AKR1C8: variants seen among roughly 807,000 people sequenced by gnomAD.
The protein encoded by AKR1C8 is aldo-keto reductase family 1 member C-like protein 1.
the AKR1C8 span, chr10:5,123,475 C>G: frequency 4.2e-6 from 2 of 471,368 alleles, no homozygotes; most frequent in African/African-American, 3.9e-5. Context: ...AGCCCTGAGG[C>G]TGGATTCAGT....
At chr10:5,148,097 C>T in the AKR1C8 span, among the ~76,000 whole-genome samples, 102 of 152,188 alleles carry the variant, frequency 6.7e-4, no homozygotes, top group African/African-American at 2.2e-3. Flanking sequence ...TCTGGCTTCA[C>T]AAGACTCAAG....
chr10:5,168,289 C>A, the AKR1C8 span, among the ~76,000 whole-genome samples: 1 of 151,988 alleles, frequency 6.6e-6, no homozygotes, highest in South Asian at 2.1e-4. Flanking sequence ...AGACAACTCC[C>A]CAAAGTCAGA....
At chr10:5,126,620 C>T in the AKR1C8 span, among the ~76,000 whole-genome samples, 1 of 151,868 alleles carries the variant, frequency 6.6e-6, no homozygotes, top group African/African-American at 2.4e-5. Context: ...AGGGGATACT[C>T]AATAAATAAA....
chr10:5,153,425 CATTG>C, the AKR1C8 span, among the ~76,000 whole-genome samples: 2 of 152,060 alleles, frequency 1.3e-5, no homozygotes, highest in Non-Finnish European at 2.9e-5. Flanking sequence ...AGAATCTGAA[CATTG>C]ATTATTTCAA....
chr10:5,143,206 A>T, the AKR1C8 span, among the ~76,000 whole-genome samples: 30 of 152,128 alleles, frequency 2.0e-4, no homozygotes, highest in Admixed American at 4.6e-4. Flanking sequence ...GACGTTTCTG[A>T]TAAACAAGCA....
At chr10:5,125,738 C>G in the AKR1C8 span, among the ~76,000 whole-genome samples, 153 of 152,322 alleles carry the variant, frequency 1.0e-3, 1 homozygote, top group African/African-American at 3.5e-3. Context: ...ACCAAGGAAT[C>G]TCACAGAGTC....
the AKR1C8 span, among the ~76,000 whole-genome samples, chr10:5,126,510 C>T: frequency 2.0e-5 from 3 of 152,054 alleles, no homozygotes; most frequent in Non-Finnish European, 4.4e-5. Flanking sequence ...TGAGAGCTCT[C>T]CCAACCACAT....
the AKR1C8 span, among the ~76,000 whole-genome samples, chr10:5,130,350 G>A: frequency 6.6e-6 from 1 of 151,850 alleles, no homozygotes; most frequent in African/African-American, 2.4e-5. Flanking sequence ...ATTCCCCTGA[G>A]AACTGGTTCA....
At chr10:5,166,993 C>A in the AKR1C8 span, among the ~76,000 whole-genome samples, 376 of 151,696 alleles carry the variant, frequency 2.5e-3, 4 homozygotes, top group African/African-American at 8.6e-3. Flanking sequence ...AGACGCTTCT[C>A]AAAAGAAGAC....
the AKR1C8 span, among the ~76,000 whole-genome samples, chr10:5,175,703 G>T: frequency 2.0e-3 from 299 of 152,274 alleles, 3 homozygotes; most frequent in Admixed American, 4.6e-3. Context: ...TCATGGTTTT[G>T]ATTTGCATTT....
chr10:5,174,372 G>A, the AKR1C8 span, among the ~76,000 whole-genome samples: 5 of 151,584 alleles, frequency 3.3e-5, no homozygotes, highest in South Asian at 2.1e-4. Flanking sequence ...CTTAGTTCAC[G>A]TGACTTTAAT....
chr10:5,122,654 A>G, the AKR1C8 span, among the ~76,000 whole-genome samples: 595 of 152,282 alleles, frequency 3.9e-3, 4 homozygotes, highest in African/African-American at 0.014. Context: ...GACTCTGAGC[A>G]TAACATCTAT....
chr10:5,177,122 G>C, the AKR1C8 span, among the ~76,000 whole-genome samples: 6 of 152,114 alleles, frequency 3.9e-5, no homozygotes, highest in Non-Finnish European at 4.4e-5. Flanking sequence ...GTTTGTCATA[G>C]ATAGCTCTTA....
chr10:5,163,080 C>T, the AKR1C8 span: 2 of 459,714 alleles, frequency 4.4e-6, no homozygotes, highest in Non-Finnish European at 9.1e-6. Context: ...CAATGCATTT[C>T]CCCCAATAGC....
At chr10:5,144,712 A>G in the AKR1C8 span, among the ~76,000 whole-genome samples, 1 of 152,114 alleles carries the variant, frequency 6.6e-6, no homozygotes, top group East Asian at 1.9e-4. Context: ...ATATTTGTAC[A>G]TTGATTTTGT....
the AKR1C8 span, among the ~76,000 whole-genome samples, chr10:5,126,602 C>CT: frequency 6.6e-6 from 1 of 152,040 alleles, no homozygotes. Flanking sequence ...GGGGTGGTAT[C>CT]CCTGGGTAGG....
At chr10:5,128,828 A>ATTT in the AKR1C8 span, among the ~76,000 whole-genome samples, 1 of 152,114 alleles carries the variant, frequency 6.6e-6, no homozygotes, top group Admixed American at 6.6e-5. Flanking sequence ...ATAGCAACAC[A>ATTT]CTAATAGTGA....
chr10:5,126,682 C>T, the AKR1C8 span, among the ~76,000 whole-genome samples: 909 of 152,034 alleles, frequency 6.0e-3, 5 homozygotes, highest in African/African-American at 0.021. Context: ...TAAAAAAGTG[C>T]ACACAACAGG....
chr10:5,180,601 A>G, the AKR1C8 span, among the ~76,000 whole-genome samples: 3 of 152,228 alleles, frequency 2.0e-5, no homozygotes, highest in African/African-American at 4.8e-5. Flanking sequence ...AGAGGCAGGC[A>G]GGCCTCCTTG....
Sources: gnomAD v4.1 joint callset for allele counts (sites outside exome capture counted in the v4.1 genomes callset) on GRCh38, gnomAD v4.1.1 for gene constraint, MANE v1.5 for transcripts, NCBI Gene and HGNC (gene_info 2026-07-23, HGNC 2026-07-21) for gene names.